RELN: variants seen among roughly 807,000 people sequenced by gnomAD.
The protein encoded by RELN is reelin.
A neutral mutation model predicts 427.6 loss-of-function variants in RELN; 108 were observed. The observed-to-expected ratio is 0.25, with a 90% CI of 0.22 to 0.30. RELN has a LOEUF of 0.30. RELN is among the 10% of genes least tolerant of loss of function. The pLI is 1.00. For missense variants in RELN, 3,715 were observed against 4,302.8 expected (o/e 0.86, Z 3.82); for synonymous variants, 1,524 against 1,513.4 (o/e 1.01, Z -0.16).
At chr7:103,673,260 T>C (rs1833434445) in intron 11 of RELN, among the ~76,000 whole-genome samples, 1 of 152,236 alleles carries the variant, frequency 6.6e-6, no homozygotes, top group Admixed American at 6.5e-5. Flanking sequence ...GCTTTAGAAG[T>C]TATATAACCT....
chr7:103,827,140 A>C (rs191798385), intron 3 of RELN, among the ~76,000 whole-genome samples: 83 of 152,134 alleles, frequency 5.5e-4, no homozygotes, highest in Non-Finnish European at 2.9e-4. Flanking sequence ...AATTCCATAG[A>C]AACAGGTACA....
chr7:103,658,498 C>A (rs1400164725), intron 12 of RELN, among the ~76,000 whole-genome samples: 2 of 151,962 alleles, frequency 1.3e-5, no homozygotes, highest in Admixed American at 1.3e-4. Context: ...CGTATCCCAC[C>A]ATATTCCATC....
At chr7:103,793,544 G>A (rs1445823201) in intron 3 of RELN, among the ~76,000 whole-genome samples, 1 of 152,124 alleles carries the variant, frequency 6.6e-6, no homozygotes, top group Non-Finnish European at 1.5e-5. Context: ...AAGCATCCAG[G>A]TGATAGTCCT....
intron 4 of RELN, among the ~76,000 whole-genome samples, chr7:103,772,833 C>T (rs1791603145): frequency 6.6e-6 from 1 of 152,148 alleles, no homozygotes; most frequent in African/African-American, 2.4e-5. Flanking sequence ...AGGGATTTTC[C>T]TTGCATGTTG....
rs1259180343 is a variant in RELN at position 103,569,885 on chromosome 7, T to C, written c.4588+2299A>G. ...TTAAGGCATGTGAAACATTTCTCTT[T>C]TTAAACAGCAGCTCCATCTGCGTTA... On this transcript the variant is annotated intron_variant, in intron 31 of 64. Coordinates refer to ENST00000428762, the MANE Select transcript of RELN (RefSeq NM_005045.4). This position sits in a 1 kb window ranked among gnomAD's most constrained non-coding sequence, Gnocchi z 4.0. Among the ~76,000 whole-genome samples, 1 of 152,220 alleles carries C rather than the reference T, an allele frequency of 6.6e-6. No homozygotes were observed. Among genetic ancestry groups the C allele is most frequent in the Non-Finnish European group, 1.5e-5 (1 of 68,038 alleles).
intron 6 of RELN, among the ~76,000 whole-genome samples, chr7:103,736,899 A>G (rs953063709): frequency 6.6e-6 from 1 of 152,166 alleles, no homozygotes; most frequent in Non-Finnish European, 1.5e-5. Context: ...CAATTACATC[A>G]TGATAGAAAA....
intron 6 of RELN, among the ~76,000 whole-genome samples, chr7:103,733,239 G>C (rs1227383992): frequency 1.3e-5 from 2 of 151,672 alleles, no homozygotes; most frequent in Non-Finnish European, 2.9e-5. Flanking sequence ...ACCACAATGA[G>C]ATACCATCTC....
intron 2 of RELN, among the ~76,000 whole-genome samples, chr7:103,840,155 C>A (rs1793518385): frequency 6.6e-6 from 1 of 152,178 alleles, no homozygotes; most frequent in Non-Finnish European, 1.5e-5. Flanking sequence ...TTATAAATTA[C>A]CTAGTCTCAG....
At chr7:103,786,794 G>A (rs1035707842) in intron 3 of RELN, among the ~76,000 whole-genome samples, 4 of 152,052 alleles carry the variant, frequency 2.6e-5, no homozygotes, top group East Asian at 1.9e-4. Context: ...ACAGATCAAC[G>A]AAGCAGAAAA....
Position 103,522,032 on chromosome 7 carries a change from T to C in RELN, c.7658A>G (p.His2553Arg). 2 of 1,614,070 alleles carry C rather than the reference T, an allele frequency of 1.2e-6. No homozygotes were observed. Among genetic ancestry groups the C allele is most frequent in the Admixed American group, 1.7e-5 (1 of 60,012 alleles). The change falls in exon 48 of 65, where the codon CAT (histidine) becomes CGT (arginine). Residue 2553 changes from histidine (H) to arginine (R), a missense_variant. Physicochemically the swap from His to Arg is conservative, Grantham distance 29 (BLOSUM62 0). Transcript: ENST00000428762. ...CAGCCAAACACTCACCCCACTGAAATGGAGAGCCATTCCCGACGCCACGGC... is the reference window on the plus strand; with the variant it reads ...CAGCCAAACACTCACCCCACTGAAACGGAGAGCCATTCCCGACGCCACGGC... ...CGAVASGMAL[H>R]FSGGCSRLLV...
chr7:103,793,524 C>T (rs1222889996), intron 3 of RELN, among the ~76,000 whole-genome samples: 3 of 152,164 alleles, frequency 2.0e-5, no homozygotes, highest in Non-Finnish European at 4.4e-5. Context: ...TCCAGCATTG[C>T]CATGTTGCTA....
Position 103,968,174 on chromosome 7 carries a change from T to C in RELN, c.226+20957A>G, listed in dbSNP as rs933535968. 6.6e-6 allele frequency among the ~76,000 whole-genome samples: 1 copy of C among 151,974 alleles called. No homozygotes were observed. Among genetic ancestry groups the C allele is most frequent in the African/African-American group, 2.4e-5 (1 of 41,416 alleles). ...TAGGCCCTCAACAAATGTATATTGA[T>C]TTTAAAGGAAAATAAATAATTTTCC... On this transcript the variant is annotated intron_variant, in intron 1 of 64. Coordinates refer to ENST00000428762, the MANE Select transcript of RELN (RefSeq NM_005045.4). The surrounding 1 kb of genome is among the most constrained non-coding windows in gnomAD (Gnocchi z 4.3).
intron 3 of RELN, among the ~76,000 whole-genome samples, chr7:103,821,659 A>T (rs262358): frequency 6.6e-5 from 10 of 152,228 alleles, no homozygotes; most frequent in South Asian, 2.1e-4. Context: ...TGCCTGCAGG[A>T]GGATTTAGAA....
intron 51 of RELN, among the ~76,000 whole-genome samples, chr7:103,506,649 T>TC (rs71519150): frequency 0.46 from 69,462 of 151,846 alleles, 18,681 homozygotes; most frequent in African/African-American, 0.76. Flanking sequence ...ATAAACTGCA[T>TC]AACTAATGGG....
At chr7:103,744,933 G>C (rs1584457802) in intron 6 of RELN, among the ~76,000 whole-genome samples, 2 of 152,192 alleles carry the variant, frequency 1.3e-5, no homozygotes, top group South Asian at 2.1e-4. Context: ...CTATCATCCT[G>C]ATTCCAAAGC....
At chr7:103,859,306 T>A (rs1190735203) in intron 2 of RELN, among the ~76,000 whole-genome samples, 1 of 152,138 alleles carries the variant, frequency 6.6e-6, no homozygotes, top group Admixed American at 6.6e-5. Flanking sequence ...TTTATTTATT[T>A]GTTTTGGGAC....
At chr7:103,894,189 A>T (rs1794910904) in intron 2 of RELN, among the ~76,000 whole-genome samples, 1 of 151,652 alleles carries the variant, frequency 6.6e-6, no homozygotes, top group African/African-American at 2.4e-5. Flanking sequence ...GTTTTACCAC[A>T]TGTTCTACCA....
At chr7:103,875,142 A>T (rs535818291) in intron 2 of RELN, among the ~76,000 whole-genome samples, 1 of 146,974 alleles carries the variant, frequency 6.8e-6, no homozygotes, top group South Asian at 2.4e-4. Context: ...TGCTGGGAAA[A>T]CTGGCTAGCC....
At chr7:103,480,397 A>C (rs985496187) in intron 63 of RELN, among the ~76,000 whole-genome samples, 1 of 152,188 alleles carries the variant, frequency 6.6e-6, no homozygotes, top group Non-Finnish European at 1.5e-5. Flanking sequence ...GCGCTCATCA[A>C]ATGAATGAAT....
Sources: gnomAD v4.1 joint callset for allele counts (sites outside exome capture counted in the v4.1 genomes callset) on GRCh38, gnomAD v4.1.1 for gene constraint, Gnocchi (gnomAD v3.1) non-coding constraint, MANE v1.5 for transcripts, NCBI Gene and HGNC (gene_info 2026-07-23, HGNC 2026-07-21) for gene names.